The following ADK variants were observed in gnomAD, a reference collection of about 807,000 sequenced individuals.
ADK encodes adenosine kinase, also known as N6,N6-dimethyladenosine kinase.
ADK carries 24 observed loss-of-function variants against 44.7 expected under a neutral mutation model. That is an observed-to-expected ratio of 0.54 (90% CI 0.39 to 0.76). The LOEUF (loss-of-function observed/expected upper bound fraction) is 0.76. Among genes scored for constraint, ADK ranks in the 30% least tolerant of loss-of-function variants. The pLI is 0.00. For missense variants in ADK, 321 were observed against 425.1 expected (o/e 0.76, Z 2.15); for synonymous variants, 128 against 142.6 (o/e 0.90, Z 0.73).
chr10:74,154,493 T>C (rs1841696470), intron 1 of ADK, among the ~76,000 whole-genome samples: 1 of 152,192 alleles, frequency 6.6e-6, no homozygotes, highest in Non-Finnish European at 1.5e-5. Flanking sequence ...GGTCTTGAAC[T>C]TCTGACCTCA....
chr10:74,155,312 C>T (rs1048598680), intron 1 of ADK, among the ~76,000 whole-genome samples: 4 of 151,782 alleles, frequency 2.6e-5, no homozygotes, highest in African/African-American at 9.7e-5. Flanking sequence ...ATGAGACCCT[C>T]GAATCTTTAA....
chr10:74,473,927 A>G (rs912824012), intron 6 of ADK, among the ~76,000 whole-genome samples: 1 of 152,194 alleles, frequency 6.6e-6, no homozygotes, highest in Admixed American at 6.5e-5. Flanking sequence ...GAGAGATATT[A>G]TGAAATTATG....
intron 7 of ADK, among the ~76,000 whole-genome samples, chr10:74,554,690 A>G (rs1850171348): frequency 6.6e-6 from 1 of 152,002 alleles, no homozygotes; most frequent in Non-Finnish European, 1.5e-5. Flanking sequence ...CATGCCTGAA[A>G]TCCTAGCACT....
At chr10:74,189,224 C>A (rs1194280139) in intron 1 of ADK, among the ~76,000 whole-genome samples, 1 of 152,112 alleles carries the variant, frequency 6.6e-6, no homozygotes, top group Non-Finnish European at 1.5e-5. Flanking sequence ...GTCCACAGGT[C>A]ATTTAGAAGT....
chr10:74,400,732 T>G (rs1173347614), intron 6 of ADK, among the ~76,000 whole-genome samples: 2 of 152,218 alleles, frequency 1.3e-5, no homozygotes, highest in Non-Finnish European at 2.9e-5. Flanking sequence ...TAAAATGTTT[T>G]TGATCTAAGG....
At chr10:74,222,638 T>G (rs1452220135) in intron 2 of ADK, among the ~76,000 whole-genome samples, 5 of 152,096 alleles carry the variant, frequency 3.3e-5, no homozygotes, top group African/African-American at 1.2e-4. Context: ...TAGACTGGAT[T>G]AAGAAAATGT....
intron 6 of ADK, among the ~76,000 whole-genome samples, chr10:74,471,290 G>A (rs1484071803): frequency 1.3e-5 from 2 of 152,014 alleles, no homozygotes; most frequent in African/African-American, 4.8e-5. Context: ...TAGCCAGGAT[G>A]GTCTCGATCT....
intron 2 of ADK, among the ~76,000 whole-genome samples, chr10:74,219,175 T>A (rs1844186594): frequency 6.6e-6 from 1 of 151,582 alleles, no homozygotes; most frequent in East Asian, 1.9e-4. Context: ...TGGAGGAAGA[T>A]CTACCAAGCG....
At chr10:74,444,243 CA>C (rs1453295380) in intron 6 of ADK, among the ~76,000 whole-genome samples, 2 of 152,098 alleles carry the variant, frequency 1.3e-5, no homozygotes, top group African/African-American at 4.8e-5. Context: ...ATTACTCTTT[CA>C]TAAAGGCTTA....
rs779755217 is a variant in ADK at position 74,611,488 on chromosome 10, CT to C, written c.877+11011del. The stretch of plus-strand genomic sequence containing the variant: ...GAGTTTTTGGTAAATACAGTCCTAC[CT>C]TTTTTTTTTTTTTTTAATTTTAGAA... On this transcript the variant is annotated intron_variant, in intron 9 of 10. Coordinates refer to ENST00000539909, the MANE Select transcript of ADK (RefSeq NM_006721.4). Among the ~76,000 whole-genome samples the C allele has an allele frequency of 5.1e-3, 701 of 137,410 alleles. 3 individuals carry two copies. The highest frequency in any genetic ancestry group is 5.7e-3 in the Admixed American group (78 of 13,598). 90.1% of individuals were successfully genotyped at this position (137,410 alleles called of 152,430 possible). A position where few individuals can be genotyped will look rare whatever the true frequency, so the allele number is the denominator to read the frequency against.
chr10:74,651,999 T>C (rs1564836997), intron 9 of ADK, among the ~76,000 whole-genome samples: 1 of 152,138 alleles, frequency 6.6e-6, no homozygotes, highest in African/African-American at 2.4e-5. Flanking sequence ...GTTTTTGTTT[T>C]ATTGAGAAGG....
intron 6 of ADK, among the ~76,000 whole-genome samples, chr10:74,410,924 A>G (rs903623237): frequency 9.9e-5 from 15 of 152,154 alleles, no homozygotes; most frequent in African/African-American, 3.6e-4. Flanking sequence ...GAATTTATTA[A>G]TTTATAATAT....
chr10:74,354,080 G>T (rs1012207938), intron 4 of ADK, among the ~76,000 whole-genome samples: 1 of 152,122 alleles, frequency 6.6e-6, no homozygotes, highest in African/African-American at 2.4e-5. Flanking sequence ...ATTGGTATAC[G>T]AATTATAACA....
At chr10:74,690,003 C>G (rs550735082) in intron 10 of ADK, among the ~76,000 whole-genome samples, 118 of 152,274 alleles carry the variant, frequency 7.7e-4, no homozygotes, top group Non-Finnish European at 1.4e-3. Context: ...GATACTGAAG[C>G]AGCTGGTTCA....
chr10:74,432,339 A>G (rs1178235604), intron 6 of ADK, among the ~76,000 whole-genome samples: 1 of 152,096 alleles, frequency 6.6e-6, no homozygotes. Flanking sequence ...TAGTGGTTTG[A>G]TGGTTGGCTA....
intron 7 of ADK, among the ~76,000 whole-genome samples, chr10:74,574,064 C>G (rs1295083619): frequency 1.3e-5 from 2 of 152,138 alleles, no homozygotes; most frequent in Non-Finnish European, 2.9e-5. Flanking sequence ...CCCGGTACCC[C>G]AAATGGAAAT....
At chr10:74,176,922 T>C (rs1259979698) in intron 1 of ADK, 3 of 1,608,768 alleles carry the variant, frequency 1.9e-6, no homozygotes, top group South Asian at 1.1e-5. Context: ...TGCTCCGAGC[T>C]GGGCGTTAGC....
At chr10:74,223,971 C>G (rs777667000) in intron 2 of ADK, among the ~76,000 whole-genome samples, 12 of 152,064 alleles carry the variant, frequency 7.9e-5, no homozygotes, top group Non-Finnish European at 1.6e-4. Context: ...TGCCTGTAAT[C>G]CCAGCTTCTG....
chr10:74,305,318 G>T (rs1398749617), intron 3 of ADK, among the ~76,000 whole-genome samples: 2 of 152,138 alleles, frequency 1.3e-5, no homozygotes, highest in African/African-American at 2.4e-5. Flanking sequence ...CTGACAGAGC[G>T]TTTGCTTCTA....
Sources: gnomAD v4.1 joint callset for allele counts (sites outside exome capture counted in the v4.1 genomes callset) on GRCh38, gnomAD v4.1.1 for gene constraint, MANE v1.5 for transcripts, NCBI Gene and HGNC (gene_info 2026-07-23, HGNC 2026-07-21) for gene names.